The following GALNT13 variants were observed in gnomAD, a reference collection of about 807,000 sequenced individuals.
The protein encoded by GALNT13 is UDP-GalNAc:polypeptide N-acetylgalactosaminyltransferase 13.
Under a neutral mutation model 64.2 loss-of-function variants are expected in GALNT13, and 28 were observed. The observed-to-expected ratio is 0.44, with a 90% CI of 0.32 to 0.60. The LOEUF is 0.60. GALNT13 is among the 20% of genes least tolerant of loss of function. The pLI is 0.05. For synonymous variants in GALNT13, 214 were observed against 224.6 expected, an observed-to-expected ratio of 0.95 and a Z score of 0.42; for missense variants, 577 against 669.8, an observed-to-expected ratio of 0.86 and a Z score of 1.53.
At chr2:154,375,587 GACAA>G (rs1024490545) in intron 9 of GALNT13, among the ~76,000 whole-genome samples, 1 of 152,038 alleles carries the variant, frequency 6.6e-6, no homozygotes, top group African/African-American at 2.4e-5. Context: ...AATGCAGGAA[GACAA>G]ACAAACCCAC....
chr2:154,091,909 T>C (rs1701828274), intron 3 of GALNT13, among the ~76,000 whole-genome samples: 1 of 151,804 alleles, frequency 6.6e-6, no homozygotes, highest in African/African-American at 2.4e-5. Context: ...ACTAAATAGA[T>C]CATTTAAATT....
At chr2:154,177,521 C>A (rs943002465) in intron 4 of GALNT13, among the ~76,000 whole-genome samples, 42 of 151,856 alleles carry the variant, frequency 2.8e-4, no homozygotes, top group South Asian at 4.2e-4. Flanking sequence ...TTGCCAAAAC[C>A]CAGAGAAAGT....
chr2:153,222,593 G>A, the GALNT13 span, among the ~76,000 whole-genome samples: 3 of 152,144 alleles, frequency 2.0e-5, no homozygotes, highest in South Asian at 4.1e-4. Flanking sequence ...ATGGTCCACT[G>A]CGCCCAGGCT....
At chr2:154,390,511 A>G (rs553610053) in intron 9 of GALNT13, among the ~76,000 whole-genome samples, 1 of 152,298 alleles carries the variant, frequency 6.6e-6, no homozygotes, top group African/African-American at 2.4e-5. Context: ...TAGTTTGCTA[A>G]GGATAATGGC....
the GALNT13 span, among the ~76,000 whole-genome samples, chr2:153,753,548 C>T: frequency 6.6e-6 from 1 of 152,172 alleles, no homozygotes; most frequent in African/African-American, 2.4e-5. Flanking sequence ...CTCTGGATTA[C>T]CAGGCAGAGA....
At chr2:153,853,597 C>T in the GALNT13 span, among the ~76,000 whole-genome samples, 3 of 151,798 alleles carry the variant, frequency 2.0e-5, no homozygotes, top group African/African-American at 7.3e-5. Flanking sequence ...ATACATGCAA[C>T]AACATGGGTG....
At chr2:153,497,173 T>A in the GALNT13 span, among the ~76,000 whole-genome samples, 1 of 152,172 alleles carries the variant, frequency 6.6e-6, no homozygotes, top group Non-Finnish European at 1.5e-5. Flanking sequence ...TTCAGACTTA[T>A]TTGACTGTGG....
At chr2:153,987,628 G>T (rs1694886463) in intron 3 of GALNT13, among the ~76,000 whole-genome samples, 3 of 151,670 alleles carry the variant, frequency 2.0e-5, no homozygotes, top group African/African-American at 7.3e-5. Flanking sequence ...TTAGTCTAAG[G>T]CGTCTTTGGA....
the GALNT13 span, among the ~76,000 whole-genome samples, chr2:153,110,651 A>G: frequency 6.6e-6 from 1 of 152,064 alleles, no homozygotes; most frequent in Non-Finnish European, 1.5e-5. Context: ...CATCTTTCAA[A>G]TGAAGGACCA....
intron 3 of GALNT13, among the ~76,000 whole-genome samples, chr2:154,082,424 C>T (rs1286677883): frequency 4.0e-5 from 6 of 151,592 alleles, no homozygotes; most frequent in African/African-American, 1.5e-4. Context: ...TGCACATAAA[C>T]GTGCCTAAAA....
chr2:153,968,757 A>C (rs1450079979), intron 3 of GALNT13, among the ~76,000 whole-genome samples: 1 of 152,218 alleles, frequency 6.6e-6, no homozygotes, highest in African/African-American at 2.4e-5. Context: ...CTCTTGAGAG[A>C]AACTTTCACT....
the GALNT13 span, among the ~76,000 whole-genome samples, chr2:153,729,449 A>G: frequency 6.6e-6 from 1 of 152,088 alleles, no homozygotes; most frequent in Non-Finnish European, 1.5e-5. Context: ...TTATTGTGTC[A>G]TCTTAAGAAA....
At chr2:153,944,969 C>T (rs1054715033) in intron 3 of GALNT13, among the ~76,000 whole-genome samples, 2 of 152,036 alleles carry the variant, frequency 1.3e-5, no homozygotes, top group Admixed American at 1.3e-4. Context: ...AAGCCAAAAG[C>T]CTTTAAAGAC....
intron 4 of GALNT13, among the ~76,000 whole-genome samples, chr2:154,171,748 G>T (rs1307251706): frequency 6.6e-6 from 1 of 152,046 alleles, no homozygotes; most frequent in Non-Finnish European, 1.5e-5. Flanking sequence ...TGTTTTATCA[G>T]CTATTTCAAG....
rs112369716 is a variant in GALNT13, at chr2:154,251,273, G to A, written c.857+5291G>A. On this transcript the variant is annotated intron_variant, in intron 7 of 12. Coordinates refer to ENST00000392825, the MANE Select transcript of GALNT13 (RefSeq NM_052917.4). ...TTTTGATCCCTCGTAAGCATGAAAT[G>A]AAAGTACAATGAAAGATTAAAATTT... Among the ~76,000 whole-genome samples the A allele has an allele frequency of 1.6e-3, 241 of 152,084 alleles. 1 individual carries two copies. The highest frequency in any genetic ancestry group is 5.6e-3 in the African/African-American group (231 of 41,510).
At chr2:153,283,314 A>G in the GALNT13 span, among the ~76,000 whole-genome samples, 1 of 152,212 alleles carries the variant, frequency 6.6e-6, no homozygotes, top group African/African-American at 2.4e-5. Context: ...GGAGGGGGAC[A>G]GCCTAAATGC....
intron 9 of GALNT13, among the ~76,000 whole-genome samples, chr2:154,332,020 T>G (rs1695192529): frequency 6.6e-6 from 1 of 152,116 alleles, no homozygotes; most frequent in Non-Finnish European, 1.5e-5. Flanking sequence ...TTAATGCTGT[T>G]GTACTGGGTT....
At chr2:153,829,142 G>A in the GALNT13 span, among the ~76,000 whole-genome samples, 539 of 152,136 alleles carry the variant, frequency 3.5e-3, 3 homozygotes, top group African/African-American at 0.012. Flanking sequence ...ACATTTTCCT[G>A]TCTTTTTCTG....
intron 3 of GALNT13, among the ~76,000 whole-genome samples, chr2:153,956,702 T>C (rs1429942479): frequency 6.6e-6 from 1 of 152,184 alleles, no homozygotes; most frequent in Non-Finnish European, 1.5e-5. Flanking sequence ...TTTTAATAAC[T>C]ACCAAATTAG....
Sources: allele counts gnomAD v4.1 joint callset (sites outside exome capture counted in the v4.1 genomes callset), GRCh38; gene constraint gnomAD v4.1.1; transcripts MANE v1.5; gene names NCBI Gene and HGNC (gene_info 2026-07-23, HGNC 2026-07-21).